The following FAAH2 variants were observed in gnomAD, a reference collection of about 807,000 sequenced individuals.
The protein encoded by FAAH2 is fatty-acid amide hydrolase 2.
A neutral mutation model predicts 36.9 loss-of-function variants in FAAH2; 60 were observed. The ratio of observed to expected loss-of-function variants is 1.63; its 90% CI spans 1.32 to 2.02. The LOEUF is 2.02. FAAH2 is among the 30% of genes most tolerant of loss of function. The pLI is 0.00. For missense variants in FAAH2, 689 were observed against 397.5 expected (o/e 1.73, Z -6.23); for synonymous variants, 214 against 143.8 (o/e 1.49, Z -3.49).
intron 2 of FAAH2, among the ~76,000 whole-genome samples, chrX:57,296,017 C>T (rs915163612): frequency 1.0e-3 from 116 of 112,557 alleles, no homozygotes; most frequent in African/African-American, 3.6e-3. Flanking sequence ...GTGGGCTCCA[C>T]CTCTGGGGGC....
the FAAH2 span, among the ~76,000 whole-genome samples, chrX:57,238,315 C>A: frequency 9.0e-6 from 1 of 111,670 alleles, no homozygotes. Flanking sequence ...ACTATGCAGC[C>A]AGAAAAAAGA....
the FAAH2 span, chrX:57,134,685 G>C: frequency 2.7e-5 from 3 of 111,362 alleles, no homozygotes; most frequent in African/African-American, 9.8e-5. Context: ...ATGCAAGATG[G>C]CACATCTCTT....
intron 5 of FAAH2, among the ~76,000 whole-genome samples, chrX:57,376,396 C>A (rs12851512): frequency 1.8e-5 from 2 of 111,068 alleles, no homozygotes; most frequent in Non-Finnish European, 3.8e-5. Context: ...GCCCTTCACC[C>A]TCTGACAGGC....
At chrX:57,313,881 G>C (rs957891524) in intron 3 of FAAH2, among the ~76,000 whole-genome samples, 2 of 110,828 alleles carry the variant, frequency 1.8e-5, no homozygotes, top group African/African-American at 6.6e-5. Flanking sequence ...AGCATGACTT[G>C]AATAAAATCA....
At chrX:57,154,654 T>C in the FAAH2 span, among the ~76,000 whole-genome samples, 1 of 111,272 alleles carries the variant, frequency 9.0e-6, no homozygotes, top group Non-Finnish European at 1.9e-5. Context: ...AATAATCAAC[T>C]TTCTTAAATT....
At chrX:57,364,207 T>C (rs5914994) in intron 5 of FAAH2, among the ~76,000 whole-genome samples, 58,428 of 107,270 alleles carry the variant, frequency 0.54, 14,374 homozygotes, top group Non-Finnish European at 0.74. Context: ...CTTGGTAGTT[T>C]TTAAATTACT....
intron 6 of FAAH2, among the ~76,000 whole-genome samples, chrX:57,380,117 A>G (rs2054802515): frequency 9.0e-6 from 1 of 111,071 alleles, no homozygotes; most frequent in Non-Finnish European, 1.9e-5. Flanking sequence ...TATGTTATGG[A>G]CAATCCACCC....
intron 3 of FAAH2, among the ~76,000 whole-genome samples, chrX:57,326,386 G>A (rs1301612054): frequency 0.019 from 2,149 of 112,163 alleles, no homozygotes; most frequent in Middle Eastern, 0.032. Flanking sequence ...TCAATTCCTG[G>A]ATATCCTTGT....
At chrX:57,259,340 T>C in the FAAH2 span, among the ~76,000 whole-genome samples, 17 of 111,804 alleles carry the variant, frequency 1.5e-4, no homozygotes, top group South Asian at 5.9e-3. Flanking sequence ...AGCTAAGATA[T>C]GGAAAACACC....
In FAAH2 at chrX:57,448,565, A is replaced by C; in HGVS notation, c.1270A>C (p.Lys424Gln). 8.3e-7 allele frequency: 1 copy of C among 1,211,545 alleles called. No individual in the cohort carries two copies. The highest frequency in any genetic ancestry group is 1.1e-6 in the Non-Finnish European group (1 of 895,467). Residue 424 changes from lysine to glutamine, a missense_variant, in exon 10 of 11, where the codon AAA (lysine) becomes CAA (glutamine). Transcript: ENST00000374900. Reference protein sequence around the residue: ...LEEKLRYSNEKYQKFKAVEES... With the variant: ...LEEKLRYSNEQYQKFKAVEES... ...AGAAAAGCTCAGATATAGCAATGAG[A>C]AATACCAAAAGTTTAAGGCAGTGGA...
chrX:57,405,029 C>T (rs963693213), intron 7 of FAAH2, among the ~76,000 whole-genome samples: 2 of 112,064 alleles, frequency 1.8e-5, no homozygotes, highest in African/African-American at 3.2e-5. Context: ...AGCCCTTTCC[C>T]AGACAGCTTC....
In FAAH2 at chrX:57,340,664, C is replaced by G. The variant is rs2053664215; in HGVS notation, c.623-607C>G. On this transcript the variant is annotated intron_variant, in intron 4 of 10. Coordinates refer to ENST00000374900, the MANE Select transcript of FAAH2 (RefSeq NM_174912.4). ...CAGGGACATGGATGGAGCTGGAAGC[C>G]ATTATTCTCAGTAAACGAATGCAGG... Among the ~76,000 whole-genome samples, 3 of 111,697 alleles carry G rather than the reference C, an allele frequency of 2.7e-5. No individual in the cohort carries two copies. The South Asian group carries it at 1.1e-3, about 42-fold the overall frequency.
intron 7 of FAAH2, among the ~76,000 whole-genome samples, chrX:57,420,915 G>C (rs922957031): frequency 8.9e-6 from 1 of 111,963 alleles, no homozygotes; most frequent in African/African-American, 3.2e-5. Context: ...AATTCATTGA[G>C]AGTTTTTAGC....
intron 4 of FAAH2, among the ~76,000 whole-genome samples, chrX:57,337,673 A>T (rs989506383): frequency 1.8e-5 from 2 of 112,362 alleles, no homozygotes; most frequent in Non-Finnish European, 3.8e-5. Flanking sequence ...ATTTCAATAG[A>T]TGCAGAAAAG....
chrX:57,395,066 A>G (rs956065148), intron 7 of FAAH2: 4 of 550,178 alleles, frequency 7.3e-6, no homozygotes, highest in African/African-American at 6.8e-5. Flanking sequence ...TTCAGGTGCA[A>G]TAGCATTGAT....
intron 5 of FAAH2, among the ~76,000 whole-genome samples, chrX:57,349,187 A>G (rs901804543): frequency 3.5e-4 from 33 of 93,483 alleles, no homozygotes; most frequent in African/African-American, 1.1e-3. Context: ...GTATACATAT[A>G]TGTATATATA....
the FAAH2 span, among the ~76,000 whole-genome samples, chrX:57,156,782 G>T: frequency 9.0e-6 from 1 of 111,618 alleles, no homozygotes; most frequent in Admixed American, 9.5e-5. Flanking sequence ...GGAGTTGGGG[G>T]AGAGGTGACA....
intron 7 of FAAH2, among the ~76,000 whole-genome samples, chrX:57,381,397 T>C (rs2054844918): frequency 8.9e-6 from 1 of 111,886 alleles, no homozygotes; most frequent in Non-Finnish European, 1.9e-5. Flanking sequence ...GAGCTTTATT[T>C]TAAAATACTT....
upstream of FAAH2, among the ~76,000 whole-genome samples, chrX:57,283,515 A>T (rs1001243147): frequency 9.0e-6 from 1 of 111,477 alleles, no homozygotes; most frequent in Non-Finnish European, 1.9e-5. Flanking sequence ...CAGGGGAAGA[A>T]CCACTGCAAT....
Sources: allele counts gnomAD v4.1 joint callset (sites outside exome capture counted in the v4.1 genomes callset), GRCh38; gene constraint gnomAD v4.1.1; transcripts MANE v1.5; gene names NCBI Gene and HGNC (gene_info 2026-07-23, HGNC 2026-07-21).